Variants in DTNA observed in about 807,000 individuals in gnomAD.
DTNA encodes the protein dystrobrevin alpha.
A neutral mutation model predicts 100.7 loss-of-function variants in DTNA; 43 were observed. The observed-to-expected ratio is 0.43, with a 90% CI of 0.33 to 0.55. The LOEUF (loss-of-function observed/expected upper bound fraction) is 0.55. Among genes scored for constraint, DTNA ranks in the 20% least tolerant of loss-of-function variants. DTNA has a pLI of 0.04. For synonymous variants in DTNA, 349 were observed against 347.9 expected (o/e 1.00, Z -0.04); for missense variants, 798 against 953.9 (o/e 0.84, Z 2.15).
At chr18:34,799,806 G>C (rs1280740137) in intron 4 of DTNA, among the ~76,000 whole-genome samples, 1 of 152,172 alleles carries the variant, frequency 6.6e-6, no homozygotes, top group African/African-American at 2.4e-5. Context: ...TGAGTAGCAG[G>C]TAGAATTTCA....
rs1423357589 is a variant in DTNA at position 34,868,915 on chromosome 18, G to A, written c.1743+4853G>A. 6 of 361,308 alleles carry A rather than the reference G, an allele frequency of 1.7e-5. No homozygotes were observed. In the East Asian group the frequency reaches 6.6e-4, roughly 40 times the overall value. The allele number at this position is 361,308 out of a possible 1,614,324, so 22.4% of individuals were successfully genotyped here. On this transcript the variant is annotated intron_variant, in intron 17 of 22. Transcript: ENST00000444659. ...AACGTTTAATAATGAAGGCAGCTGG[G>A]GTATAATTGCAGTACCAATATGTTC...
intron 1 of DTNA, among the ~76,000 whole-genome samples, chr18:34,677,408 G>A (rs1333836772): frequency 6.6e-6 from 1 of 151,698 alleles, no homozygotes; most frequent in Non-Finnish European, 1.5e-5. Flanking sequence ...TCAGGTACAG[G>A]AACAACAACC....
chr18:34,571,934 G>T (rs975781469), intron 1 of DTNA, among the ~76,000 whole-genome samples: 1 of 152,050 alleles, frequency 6.6e-6, no homozygotes, highest in African/African-American at 2.4e-5. Flanking sequence ...GCAACACAGC[G>T]TTCATTTTTC....
chr18:34,614,419 T>A (rs1206199708), intron 1 of DTNA, among the ~76,000 whole-genome samples: 1 of 152,152 alleles, frequency 6.6e-6, no homozygotes, highest in Admixed American at 6.5e-5. Context: ...CCCAAGGCTG[T>A]AGCTGCAATA....
At chr18:34,558,328 T>C (rs1284978318) in intron 1 of DTNA, among the ~76,000 whole-genome samples, 1 of 152,178 alleles carries the variant, frequency 6.6e-6, no homozygotes, top group African/African-American at 2.4e-5. Flanking sequence ...TCACCCGTCT[T>C]CTGCGTCGCT....
At chr18:34,864,170 C>A in intron 17 of DTNA, 108 bp downstream of exon 17, 2 of 953,870 alleles carry the variant, frequency 2.1e-6, no homozygotes, top group Non-Finnish European at 1.6e-6. Context: ...TGATTTCCCT[C>A]AACATGTTGT....
intron 13 of DTNA, among the ~76,000 whole-genome samples, chr18:34,841,740 G>A (rs1031435715): frequency 6.6e-6 from 1 of 152,116 alleles, no homozygotes; most frequent in Non-Finnish European, 1.5e-5. Flanking sequence ...TTATGACACT[G>A]GTTCCCATCT....
rs191815161 is a variant in DTNA at position 34,715,741 on chromosome 18, G to A, written c.-2+5296G>A. ...GTAATATGAAAACTTACTCCTTCTA[G>A]AATATGTTATATACAAAATTAAAAA... On this transcript the variant is annotated intron_variant, in intron 1 of 22. Transcript: ENST00000444659. Among the ~76,000 whole-genome samples the A allele has an allele frequency of 2.2e-3, 339 of 152,074 alleles. 2 individuals are homozygous for A. Among genetic ancestry groups the A allele is most frequent in the Non-Finnish European group, 3.5e-3 (235 of 67,954 alleles).
intron 2 of DTNA, among the ~76,000 whole-genome samples, chr18:34,760,984 A>G (rs892737627): frequency 1.3e-5 from 2 of 152,140 alleles, no homozygotes; most frequent in African/African-American, 4.8e-5. Context: ...CCCTGTTTGT[A>G]CCTTACTTAG....
chr18:34,669,603 C>T (rs922700749), intron 1 of DTNA, among the ~76,000 whole-genome samples: 3 of 152,154 alleles, frequency 2.0e-5, no homozygotes, highest in Non-Finnish European at 4.4e-5. Flanking sequence ...CCTTCAGGAG[C>T]TCTTGTAGGG....
intron 16 of DTNA, among the ~76,000 whole-genome samples, chr18:34,860,514 G>A (rs1257867708): frequency 6.6e-6 from 1 of 152,106 alleles, no homozygotes; most frequent in Non-Finnish European, 1.5e-5. Flanking sequence ...ACAAAAAGAC[G>A]AAATGAAGCA....
intron 16 of DTNA, among the ~76,000 whole-genome samples, chr18:34,861,668 C>G (rs1451887708): frequency 2.6e-5 from 4 of 151,948 alleles, no homozygotes; most frequent in African/African-American, 7.3e-5. Flanking sequence ...GGAGGTTACA[C>G]CACAGATTTG....
chr18:34,576,182 T>C (rs983695509), intron 1 of DTNA, among the ~76,000 whole-genome samples: 1 of 152,182 alleles, frequency 6.6e-6, no homozygotes. Flanking sequence ...GCATGGAGCC[T>C]TCAGGATAAG....
Position 34,546,194 on chromosome 18 carries a change from G to T in DTNA, c.-2+52680G>T, listed in dbSNP as rs16965426. ...TACTGACACACGATAAAAAACATGG[G>T]TCTCCCCTTCCCCCAGCAATGAGAA... On this transcript the variant is annotated intron_variant, in intron 1 of 19. Transcript: ENST00000283365. Among the ~76,000 whole-genome samples, 530 of 152,030 alleles carry T rather than the reference G, an allele frequency of 3.5e-3. 4 individuals are homozygous for T. Among genetic ancestry groups the T allele is most frequent in the African/African-American group, 0.012 (499 of 41,472 alleles).
chr18:34,681,733 C>CCA (rs146646292), intron 1 of DTNA, among the ~76,000 whole-genome samples: 26 of 147,752 alleles, frequency 1.8e-4, no homozygotes, highest in Admixed American at 7.4e-4. Context: ...CACACACACC[C>CCA]CACACACACA....
At chr18:34,522,426 T>C (rs550700048) in intron 1 of DTNA, among the ~76,000 whole-genome samples, 1 of 152,252 alleles carries the variant, frequency 6.6e-6, no homozygotes, top group East Asian at 1.9e-4. Flanking sequence ...AAATGTACTT[T>C]TATGTGGGAT....
intron 6 of DTNA, among the ~76,000 whole-genome samples, chr18:34,815,101 A>G (rs1036423967): frequency 1.2e-4 from 19 of 152,132 alleles, no homozygotes; most frequent in African/African-American, 4.3e-4. Context: ...TTTCAAGCAA[A>G]TAAATAAAAT....
At chr18:34,636,977 C>T (rs891126988) in intron 1 of DTNA, among the ~76,000 whole-genome samples, 2 of 152,230 alleles carry the variant, frequency 1.3e-5, no homozygotes, top group Non-Finnish European at 2.9e-5. Flanking sequence ...TTGGAACTTC[C>T]AGGGTATTTC....
chr18:34,825,179 T>G lies in DTNA; in HGVS notation c.1002-2414T>G, dbSNP rs937408913. 24 of 1,568,502 alleles carry G rather than the reference T, an allele frequency of 1.5e-5. No homozygotes were observed. In the East Asian group the frequency reaches 5.4e-4, roughly 35 times the overall value. The stretch of plus-strand genomic sequence containing the variant: ...TGAGCAGGTGGTGACATTTTGGTAT[T>G]TTGACATTTGTTCTTAGCTATTGTA... On this transcript the variant is annotated intron_variant, in intron 9 of 22. Coordinates refer to ENST00000444659, the MANE Select transcript of DTNA (RefSeq NM_001386795.1).
Sources: gnomAD v4.1 joint callset for allele counts (sites outside exome capture counted in the v4.1 genomes callset) on GRCh38, gnomAD v4.1.1 for gene constraint, MANE v1.5 for transcripts, NCBI Gene and HGNC (gene_info 2026-07-23, HGNC 2026-07-21) for gene names.